Variants in CACNB2 observed in about 807,000 individuals in gnomAD.
CACNB2 encodes the protein voltage-dependent L-type calcium channel subunit beta-2.
CACNB2 carries 42 observed loss-of-function variants against 73.3 expected under a neutral mutation model. The observed-to-expected ratio is 0.57, with a 90% CI of 0.45 to 0.74. CACNB2 has a LOEUF of 0.74. Among genes scored for constraint, CACNB2 ranks in the 30% least tolerant of loss-of-function variants. CACNB2 has a pLI of 0.00. For missense variants in CACNB2, 940 were observed against 853.0 expected (o/e 1.10, Z -1.27); for synonymous variants, 348 against 310.3 (o/e 1.12, Z -1.28).
At chr10:18,165,543 A>G (rs2183718) in intron 2 of CACNB2, among the ~76,000 whole-genome samples, 73,524 of 152,070 alleles carry the variant, frequency 0.48, 18,154 homozygotes, top group African/African-American at 0.58. Context: ...CTCCTGAGTA[A>G]CTGGGACTCC....
chr10:18,288,288 T>G (rs2038891001), intron 2 of CACNB2, among the ~76,000 whole-genome samples: 1 of 152,220 alleles, frequency 6.6e-6, no homozygotes, highest in Admixed American at 6.5e-5. Flanking sequence ...AGGTTTACTT[T>G]GAAACTAAAT....
chr10:18,211,413 CA>C (rs1467056909), intron 2 of CACNB2, among the ~76,000 whole-genome samples: 1 of 152,100 alleles, frequency 6.6e-6, no homozygotes, highest in Non-Finnish European at 1.5e-5. Context: ...TTAAGATATA[CA>C]AAAAGGCTCA....
chr10:18,459,247 A>G (rs1393452410), intron 3 of CACNB2, among the ~76,000 whole-genome samples: 1 of 152,204 alleles, frequency 6.6e-6, no homozygotes, highest in Non-Finnish European at 1.5e-5. Context: ...TCATGTCCTA[A>G]TGACACTAGA....
At chr10:18,486,374 TA>T (rs750217293) in intron 3 of CACNB2, among the ~76,000 whole-genome samples, 30 of 152,368 alleles carry the variant, frequency 2.0e-4, no homozygotes, top group Non-Finnish European at 4.3e-4. Context: ...TAACCAAAGA[TA>T]TTTTTAAGTT....
At chr10:18,319,199 A>G (rs2040305468) in intron 2 of CACNB2, among the ~76,000 whole-genome samples, 1 of 152,188 alleles carries the variant, frequency 6.6e-6, no homozygotes, top group African/African-American at 2.4e-5. Context: ...AGCCAACCCA[A>G]ATACCTATTA....
intron 2 of CACNB2, among the ~76,000 whole-genome samples, chr10:18,181,427 G>T (rs1055569736): frequency 2.0e-5 from 3 of 152,052 alleles, no homozygotes; most frequent in African/African-American, 7.2e-5. Context: ...CTCTCTGCCC[G>T]TAAGGAACTT....
chr10:18,311,302 T>A (rs561576967), intron 2 of CACNB2, among the ~76,000 whole-genome samples: 5 of 152,218 alleles, frequency 3.3e-5, no homozygotes, highest in Non-Finnish European at 7.3e-5. Context: ...TCCTCTGGAA[T>A]CTTTTAGTCT....
chr10:18,475,152 A>G lies in CACNB2; in HGVS notation c.334-23203A>G, dbSNP rs544067465. Among the ~76,000 whole-genome samples, 4 of 151,708 alleles carry G rather than the reference A, an allele frequency of 2.6e-5. No homozygotes were observed. In the South Asian group the frequency reaches 8.4e-4, roughly 32 times the overall value. On this transcript the variant is annotated intron_variant, in intron 3 of 13. Coordinates refer to ENST00000324631, the MANE Select transcript of CACNB2 (RefSeq NM_201596.3). ...GGTGCAGAACATCCATGCCGTATCTAGGTACGCCACCCTTCCAGCACGGCC... is the reference window on the plus strand; with the variant it reads ...GGTGCAGAACATCCATGCCGTATCTGGGTACGCCACCCTTCCAGCACGGCC...
At chr10:18,436,291 C>G (rs1170196180) in intron 3 of CACNB2, among the ~76,000 whole-genome samples, 1 of 152,138 alleles carries the variant, frequency 6.6e-6, no homozygotes, top group African/African-American at 2.4e-5. Context: ...GAACAAAATC[C>G]TAGAAGCCAT....
rs199757671 is a variant in CACNB2 at position 18,539,744 on chromosome 10, T to G, written c.*20T>G. 11 of 1,305,456 alleles carry G rather than the reference T, an allele frequency of 8.4e-6. No homozygotes were observed. The highest frequency in any genetic ancestry group is 7.6e-5 in the East Asian group (2 of 26,252). The allele number at this position is 1,305,456 out of a possible 1,614,324, so 80.9% of individuals were successfully genotyped here. A position where few individuals can be genotyped will look rare whatever the true frequency, so the allele number is the denominator to read the frequency against. On this transcript the variant is annotated 3_prime_UTR_variant, in exon 14 of 14. Coordinates refer to ENST00000324631, the MANE Select transcript of CACNB2 (RefSeq NM_201596.3). Reference sequence around the variant, plus strand: ...CAATGAGTTTTGCCCGTTTGTGTTTTTTTTTTTTTTTTTTTGAAGTCTTGT... The same window carrying G: ...CAATGAGTTTTGCCCGTTTGTGTTTGTTTTTTTTTTTTTTTGAAGTCTTGT...
intron 3 of CACNB2, among the ~76,000 whole-genome samples, chr10:18,493,533 G>A (rs542262475): frequency 1.6e-4 from 25 of 152,162 alleles, no homozygotes; most frequent in Non-Finnish European, 1.0e-4. Flanking sequence ...ACAATATCAC[G>A]GCAGTTATCA....
At chr10:18,383,967 A>C (rs1420182932) in intron 2 of CACNB2, among the ~76,000 whole-genome samples, 4 of 152,184 alleles carry the variant, frequency 2.6e-5, no homozygotes, top group Non-Finnish European at 5.9e-5. Flanking sequence ...CGGCCTCCCA[A>C]AGTGCTGGGA....
At chr10:18,189,775 A>T (rs957890611) in intron 2 of CACNB2, among the ~76,000 whole-genome samples, 15 of 152,322 alleles carry the variant, frequency 9.8e-5, no homozygotes, top group African/African-American at 3.4e-4. Flanking sequence ...CATATTGCCA[A>T]CTTTTCCTCC....
intron 3 of CACNB2, among the ~76,000 whole-genome samples, chr10:18,466,079 G>A (rs1403888089): frequency 6.6e-6 from 1 of 152,122 alleles, no homozygotes; most frequent in East Asian, 1.9e-4. Flanking sequence ...AACACATACA[G>A]GCACACCTCC....
chr10:18,401,006 C>T (rs534229682), intron 2 of CACNB2: 2 of 1,613,922 alleles, frequency 1.2e-6, no homozygotes, highest in South Asian at 1.1e-5. Flanking sequence ...GCTGCAGCTG[C>T]GGACGATAAA....
chr10:18,459,063 C>A (rs1373873736), intron 3 of CACNB2, among the ~76,000 whole-genome samples: 3 of 152,144 alleles, frequency 2.0e-5, no homozygotes, highest in African/African-American at 7.2e-5. Context: ...CTGCACCTGG[C>A]CCAAGATGAA....
intron 9 of CACNB2, among the ~76,000 whole-genome samples, chr10:18,520,907 A>C (rs2051812435): frequency 2.0e-5 from 3 of 152,106 alleles, no homozygotes; most frequent in Admixed American, 6.5e-5. Flanking sequence ...TCTGTTTTCT[A>C]GTGCTCTTTT....
intron 3 of CACNB2, among the ~76,000 whole-genome samples, chr10:18,454,049 G>A (rs2047146400): frequency 6.6e-6 from 1 of 152,096 alleles, no homozygotes; most frequent in Non-Finnish European, 1.5e-5. Flanking sequence ...TCCCACAATA[G>A]GTATTGTATA....
intron 2 of CACNB2, among the ~76,000 whole-genome samples, chr10:18,181,571 T>G (rs2033883536): frequency 1.5e-5 from 1 of 64,730 alleles, no homozygotes; most frequent in Admixed American, 1.4e-4. Flanking sequence ...TTTTTTATTT[T>G]ATTTTATTTT....
Sources: gnomAD v4.1 joint callset for allele counts (sites outside exome capture counted in the v4.1 genomes callset) on GRCh38, gnomAD v4.1.1 for gene constraint, MANE v1.5 for transcripts, NCBI Gene and HGNC (gene_info 2026-07-23, HGNC 2026-07-21) for gene names.